CD46: variants seen among roughly 807,000 people sequenced by gnomAD.
The protein encoded by CD46 is CD46 molecule, also known as membrane cofactor protein.
Under a neutral mutation model 53.3 loss-of-function variants are expected in CD46, and 30 were observed. That is an observed-to-expected ratio of 0.56 (90% confidence interval 0.42 to 0.76). The LOEUF (loss-of-function observed/expected upper bound fraction) is 0.76, where lower values mean the gene tolerates loss of function less well. CD46 is among the 30% of genes least tolerant of loss of function. CD46 has a pLI of 0.00. For synonymous variants in CD46, 142 were observed against 152.0 expected (o/e 0.93, Z 0.48); for missense variants, 409 against 463.0 (o/e 0.88, Z 1.07).
chr1:207,759,356 A>G (rs1324911575), intron 3 of CD46, among the ~76,000 whole-genome samples: 1 of 152,244 alleles, frequency 6.6e-6, no homozygotes, highest in African/African-American at 2.4e-5. Context: ...ACAGAAATGA[A>G]TGTGTAATGT....
chr1:207,768,028 G>C, intron 7 of CD46: 1 of 560,868 alleles, frequency 1.8e-6, no homozygotes, highest in South Asian at 2.1e-5. Flanking sequence ...ATGACCTTGG[G>C]AAAGTTGTAT....
At chr1:207,772,781 G>A (rs1156592417) in intron 8 of CD46, among the ~76,000 whole-genome samples, 2 of 152,324 alleles carry the variant, frequency 1.3e-5, no homozygotes, top group South Asian at 2.1e-4. Context: ...GCTTTTTGAT[G>A]TGCTGCTGGA....
At chr1:207,787,602 G>A (rs1042879472) in intron 11 of CD46, among the ~76,000 whole-genome samples, 4 of 152,164 alleles carry the variant, frequency 2.6e-5, no homozygotes, top group South Asian at 2.1e-4. Context: ...CCTGCAAATA[G>A]TAGCACAACT....
In CD46 at chr1:207,752,183, G is replaced by A. The variant is rs760552938; in HGVS notation, c.-30G>A. The A allele has an allele frequency of 1.2e-6, 2 of 1,604,730 alleles. No homozygotes were observed. The highest frequency in any genetic ancestry group is 1.3e-5 in the African/African-American group (1 of 74,806). ...GCTCTCGGTTTCTCTGCTTTCCTCC[G>A]GAGAAATAACAGCGTCTTCCGCGCC... On this transcript the variant is annotated 5_prime_UTR_variant, in exon 1 of 13. Transcript: ENST00000367042. This position sits in a 1 kb window ranked among gnomAD's most constrained non-coding sequence, Gnocchi z 4.1.
intron 8 of CD46, among the ~76,000 whole-genome samples, chr1:207,771,997 A>G (rs1241773175): frequency 6.6e-6 from 1 of 152,066 alleles, no homozygotes; most frequent in Non-Finnish European, 1.5e-5. Context: ...TAGTATGGCC[A>G]TTTTCCCAAT....
chr1:207,757,239 C>T (rs745505647), intron 2 of CD46, 37 bp downstream of exon 2: 314 of 1,540,594 alleles, frequency 2.0e-4, no homozygotes, highest in Non-Finnish European at 2.7e-4. Flanking sequence ...TCTGCTTGCT[C>T]TAGAGATTTG....
chr1:207,762,598 A>G (rs1656346269), intron 5 of CD46: 1 of 152,294 alleles, frequency 6.6e-6, no homozygotes, highest in Non-Finnish European at 1.5e-5. Flanking sequence ...AGCCAGCTTG[A>G]AGACCCTGCC....
At chr1:207,767,481 C>A in intron 6 of CD46, 1 of 870,176 alleles carries the variant, frequency 1.1e-6, no homozygotes, top group South Asian at 1.4e-5. Flanking sequence ...TGAATTACAA[C>A]AACTTTTTGG....
At chr1:207,783,392 G>C in intron 9 of CD46, 62 bp downstream of exon 9, 3 of 986,846 alleles carry the variant, frequency 3.0e-6, no homozygotes, top group Non-Finnish European at 4.9e-6. Context: ...TAGGTAATTA[G>C]TTTTTATGAG....
In CD46 at chr1:207,793,552, C is replaced by T; in HGVS notation, c.*75C>T. ...ATGGTGGAGCTGAATATGCCACTTA[C>T]CAGACTAAATCAACCACTCCAGCAG... is the stretch of plus-strand genomic sequence containing the variant. On this transcript the variant is annotated 3_prime_UTR_variant, in exon 13 of 13. Coordinates refer to ENST00000367042, the MANE Select transcript of CD46 (RefSeq NM_172351.3). The T allele has an allele frequency of 1.2e-6, 2 of 1,613,992 alleles. No homozygotes were observed. The highest frequency in any genetic ancestry group is 2.2e-5 in the East Asian group (1 of 44,878).
In CD46 at chr1:207,756,943, A is replaced by G. The variant is rs562619993; in HGVS notation, c.98-71A>G. ...TGTTTTTTCTGTACTACCTGCTGCC[A>G]GACCACAGTCCATGGCTGATGAAAG... On this transcript the variant is annotated intron_variant, in intron 1 of 12. Coordinates refer to ENST00000367042, the MANE Select transcript of CD46 (RefSeq NM_172351.3). 69 of 1,313,816 alleles carry G rather than the reference A, an allele frequency of 5.3e-5. No homozygotes were observed. In the East Asian group the frequency reaches 1.3e-3, roughly 25 times the overall value. The allele number at this position is 1,313,816 out of a possible 1,614,324, so 81.4% of individuals were successfully genotyped here.
At chr1:207,783,252 T>G (rs759179342) in intron 8 of CD46, 40 bp from the exon 9 acceptor site, 10 of 1,099,726 alleles carry the variant, frequency 9.1e-6, no homozygotes, top group Non-Finnish European at 1.2e-5. Context: ...ATTCTTTCCT[T>G]CTTTTATTAA....
chr1:207,784,926 C>T, intron 9 of CD46, 145 bp from the exon 10 acceptor site: 3 of 713,610 alleles, frequency 4.2e-6, no homozygotes, highest in Non-Finnish European at 7.7e-6. Context: ...TCCCACAACA[C>T]GTGGGGATTA....
At chr1:207,770,798 A>G (rs1339237498) in intron 8 of CD46, among the ~76,000 whole-genome samples, 1 of 152,206 alleles carries the variant, frequency 6.6e-6, no homozygotes, top group African/African-American at 2.4e-5. Flanking sequence ...AATCCAGTCT[A>G]TCATTGATGG....
rs1335624534 is a variant in CD46, at chr1:207,752,222, C to T, written c.10C>T (p.Pro4Ser). MEP[P>S]GRRECPFPSW... ...GTCTTCCGCGCCGCGCATGGAGCCT[C>T]CCGGCCGCCGCGAGTGTCCCTTTCC... Residue 4 changes from proline to serine, a missense_variant, in exon 1 of 13, where the codon CCC becomes TCC. Coordinates refer to ENST00000367042, the MANE Select transcript of CD46 (RefSeq NM_172351.3). The surrounding 1 kb of genome is among the most constrained non-coding windows in gnomAD (Gnocchi z 4.1). The T allele has an allele frequency of 1.2e-6, 2 of 1,613,970 alleles. No individual in the cohort carries two copies. Among genetic ancestry groups the T allele is most frequent in the East Asian group, 4.5e-5 (2 of 44,880 alleles).
rs780109870 is a variant in CD46, at chr1:207,770,360, C to G, written c.941C>G (p.Pro314Arg). Residue 314 changes from proline (P) to arginine (R), a missense_variant and splice_region_variant, in exon 8 of 13, where the codon CCA becomes CGA. Coordinates refer to ENST00000367042, the MANE Select transcript of CD46 (RefSeq NM_172351.3). Reference sequence around the variant, plus strand: ...TACAAGCCTCCAGTCTCAAATTATCCAGGTTGGTTAACTCTTTATCCTACT... The same window carrying G: ...TACAAGCCTCCAGTCTCAAATTATCGAGGTTGGTTAACTCTTTATCCTACT... ...PTYKPPVSNY[P>R]GYPKPEEGIL... 6.3e-7 allele frequency: 1 copy of G among 1,597,304 alleles called. No homozygotes were observed. The highest frequency in any genetic ancestry group is 1.1e-5 in the South Asian group (1 of 90,536).
chr1:207,759,642 T>C lies in CD46; in HGVS notation c.393T>C (p.Tyr131=), dbSNP rs752725841. 3.9e-6 allele frequency: 6 copies of C among 1,526,838 alleles called. No individual in the cohort carries two copies. In the African/African-American group the frequency reaches 8.2e-5, roughly 21 times the overall value. 94.6% of individuals were successfully genotyped at this position (1,526,838 alleles called of 1,614,324 possible). A position where few individuals can be genotyped will look rare whatever the true frequency, so the allele number is the denominator to read the frequency against. Residue 131 remains tyrosine, a synonymous_variant, in exon 4 of 13, where the codon TAT becomes TAC. Coordinates refer to ENST00000367042, the MANE Select transcript of CD46 (RefSeq NM_172351.3). The part of the protein sequence containing the change: ...YQMHFICNEG[Y]YLIGEEILYC... ...AACCCTTTCTTTTCTCATTTAGTTA[T>C]TACTTAATTGGTGAAGAAATTCTAT...
chr1:207,785,032 T>C, intron 9 of CD46, 39 bp from the exon 10 acceptor site: 1 of 1,562,916 alleles, frequency 6.4e-7, no homozygotes, highest in Non-Finnish European at 8.8e-7. Context: ...TATCTGGAGA[T>C]CCATGTGTTC....
intron 1 of CD46, 64 bp from the exon 2 acceptor site, chr1:207,756,950 A>G: frequency 2.9e-6 from 4 of 1,366,296 alleles, no homozygotes; most frequent in South Asian, 2.3e-5. Context: ...GCCAGACCAC[A>G]GTCCATGGCT....
Sources: allele counts gnomAD v4.1 joint callset (sites outside exome capture counted in the v4.1 genomes callset), GRCh38; gene constraint gnomAD v4.1.1; non-coding constraint Gnocchi (gnomAD v3.1); transcripts MANE v1.5; gene names NCBI Gene and HGNC (gene_info 2026-07-23, HGNC 2026-07-21).